MYLK: variants seen among roughly 807,000 people sequenced by gnomAD.
The protein encoded by MYLK is myosin light chain kinase.
A neutral mutation model predicts 203.4 loss-of-function variants in MYLK; 106 were observed. The ratio of observed to expected loss-of-function variants is 0.52; its 90% CI spans 0.45 to 0.61. The LOEUF (loss-of-function observed/expected upper bound fraction) is 0.61. Ranked by LOEUF, MYLK falls within the 20% of genes least tolerant of loss-of-function variation. MYLK has a pLI of 0.00. For synonymous variants in MYLK, 867 were observed against 959.5 expected, an observed-to-expected ratio of 0.90 and a Z score of 1.78; for missense variants, 2,072 against 2,442.3, an observed-to-expected ratio of 0.85 and a Z score of 3.20.
chr3:123,625,969 G>A (rs965006094), intron 31 of MYLK, among the ~76,000 whole-genome samples: 3 of 152,150 alleles, frequency 2.0e-5, no homozygotes, highest in African/African-American at 7.2e-5. Context: ...TATGTGTTTT[G>A]CAGTCAAGCT....
intron 2 of MYLK, among the ~76,000 whole-genome samples, chr3:123,863,483 C>T (rs890697503): frequency 6.6e-6 from 1 of 151,250 alleles, no homozygotes; most frequent in Non-Finnish European, 1.5e-5. Context: ...AACTGGTATT[C>T]AGAATAAAAA....
intron 20 of MYLK, among the ~76,000 whole-genome samples, chr3:123,680,544 C>T (rs960579663): frequency 1.3e-5 from 2 of 152,180 alleles, no homozygotes; most frequent in African/African-American, 4.8e-5. Flanking sequence ...TATGCATTTC[C>T]AACAACTTAT....
intron 2 of MYLK, among the ~76,000 whole-genome samples, chr3:123,861,147 CA>C (rs1245171066): frequency 2.2e-3 from 304 of 140,050 alleles, no homozygotes; most frequent in African/African-American, 5.8e-3. Flanking sequence ...AAACAAAAAA[CA>C]AAAAAAAAAA....
chr3:123,841,531 A>T (rs1018668635), intron 2 of MYLK, among the ~76,000 whole-genome samples: 1 of 152,116 alleles, frequency 6.6e-6, no homozygotes, highest in Non-Finnish European at 1.5e-5. Context: ...CCTCATTAAT[A>T]CCTTCAACCA....
At chr3:123,693,124 C>A (rs1200481554) in intron 18 of MYLK, among the ~76,000 whole-genome samples, 2 of 152,128 alleles carry the variant, frequency 1.3e-5, no homozygotes, top group African/African-American at 2.4e-5. Context: ...TAGAAAGCTG[C>A]AAAAGAAGGG....
At chr3:123,654,452 G>C (rs1219363931) in intron 24 of MYLK, among the ~76,000 whole-genome samples, 1 of 152,074 alleles carries the variant, frequency 6.6e-6, no homozygotes, top group African/African-American at 2.4e-5. Flanking sequence ...CTCGCTTTCT[G>C]AGCTTTGCTC....
At chr3:123,801,772 G>A (rs1019751888) in intron 3 of MYLK, among the ~76,000 whole-genome samples, 53 of 152,186 alleles carry the variant, frequency 3.5e-4, no homozygotes, top group Non-Finnish European at 2.9e-5. Context: ...TCTTTTTTAT[G>A]GCTGCATAAT....
At position 123,856,381 on chromosome 3, in the gene MYLK, A is replaced by G. The variant is rs190612683; in HGVS notation, c.-127+20178T>C. On this transcript the variant is annotated intron_variant, in intron 2 of 33. Coordinates refer to ENST00000360304, the MANE Select transcript of MYLK (RefSeq NM_053025.4). ...GGTTGAATGAGGCACATAAATCTCA[A>G]TGCTAACCACCTAACAACAGGGGTT... is the stretch of plus-strand genomic sequence containing the variant. Among the ~76,000 whole-genome samples, 519 of 152,294 alleles carry G rather than the reference A, an allele frequency of 3.4e-3. 4 individuals are homozygous for G. The highest frequency in any genetic ancestry group is 0.012 in the African/African-American group (505 of 41,570).
At chr3:123,751,432 A>G (rs184119801) in intron 5 of MYLK, among the ~76,000 whole-genome samples, 2 of 152,346 alleles carry the variant, frequency 1.3e-5, no homozygotes, top group Admixed American at 1.3e-4. Flanking sequence ...TGCAAAAGTC[A>G]TGTGGTTTTT....
chr3:123,629,542 G>C lies in MYLK; in HGVS notation c.5046C>G (p.Asp1682Glu). The change falls in exon 30 of 34, where the codon GAC becomes GAG. Residue 1682 changes from aspartate to glutamate, a missense_variant. Around this residue, in one of 3 missense-constraint regions of MYLK, gnomAD observed 524 missense variants for 782.4 expected, o/e 0.67. Transcript: ENST00000360304. The surrounding 1 kb of genome is among the most constrained non-coding windows in gnomAD (Gnocchi z 4.4). ...NVTSATWDFD[D>E]EAFDEISDDA... ...CGTCGGAGATCTCATCGAATGCCTCGTCGTCGAAGTCCCAGGTGGCTGAGG... is the reference window on the plus strand; with the variant it reads ...CGTCGGAGATCTCATCGAATGCCTCCTCGTCGAAGTCCCAGGTGGCTGAGG... The C allele has an allele frequency of 6.2e-7, 1 of 1,614,136 alleles. No homozygotes were observed. The highest frequency in any genetic ancestry group is 8.5e-7 in the Non-Finnish European group (1 of 1,180,016).
intron 2 of MYLK, among the ~76,000 whole-genome samples, chr3:123,867,278 G>C (rs1212913277): frequency 6.6e-6 from 1 of 152,042 alleles, no homozygotes; most frequent in African/African-American, 2.4e-5. Context: ...GTTGAAGTGT[G>C]TCCCCCCAAA....
chr3:123,822,219 C>T (rs4678064), intron 3 of MYLK, among the ~76,000 whole-genome samples: 24,254 of 152,098 alleles, frequency 0.16, 2,092 homozygotes, highest in South Asian at 0.22. Context: ...TATTCTTTTA[C>T]AGCAGCATAA....
In MYLK at chr3:123,726,145, C is replaced by T. The variant is rs55984141; in HGVS notation, c.1517-67G>A. On this transcript the variant is annotated intron_variant, in intron 11 of 33. Coordinates refer to ENST00000360304, the MANE Select transcript of MYLK (RefSeq NM_053025.4). ...CCACTCTGGTGATGCCTGCAGTCAC[C>T]CCAGCCTCCCAGGCACGCCTCACTG... 3.9e-3 allele frequency: 6,267 copies of T among 1,600,694 alleles called. 164 individuals carry two copies. In the African/African-American group the frequency reaches 0.067, roughly 17 times the overall value.
intron 5 of MYLK, among the ~76,000 whole-genome samples, chr3:123,750,308 A>AG: frequency 6.6e-6 from 1 of 152,252 alleles, no homozygotes; most frequent in South Asian, 2.1e-4. Context: ...TGAAAACCAA[A>AG]GGGGAGGGGT....
intron 21 of MYLK, 193 bp downstream of exon 21, chr3:123,666,944 G>A: frequency 4.8e-6 from 3 of 630,672 alleles, no homozygotes; most frequent in Non-Finnish European, 8.5e-6. Flanking sequence ...AGGGGACCAG[G>A]AGCCAGGCTG....
At chr3:123,832,364 AC>A (rs1404686634) in intron 2 of MYLK, among the ~76,000 whole-genome samples, 1 of 152,206 alleles carries the variant, frequency 6.6e-6, no homozygotes, top group African/African-American at 2.4e-5. Flanking sequence ...ATAAATACCT[AC>A]AGTAAGTAGC....
intron 4 of MYLK, among the ~76,000 whole-genome samples, chr3:123,769,946 TGCTCACGAGTACTAAA>T (rs1280313542): frequency 2.6e-5 from 4 of 152,210 alleles, no homozygotes; most frequent in African/African-American, 9.6e-5. Flanking sequence ...ACTGCAAGGC[TGCTCACGAGTACTAAA>T]GCTGGCATTA....
intron 16 of MYLK, among the ~76,000 whole-genome samples, chr3:123,704,193 T>C (rs2061360746): frequency 6.6e-6 from 1 of 152,252 alleles, no homozygotes; most frequent in Non-Finnish European, 1.5e-5. Context: ...GTGGATCACC[T>C]GGTGGCAGGG....
chr3:123,828,308 A>G (rs1478638086), intron 3 of MYLK, among the ~76,000 whole-genome samples: 2 of 152,168 alleles, frequency 1.3e-5, no homozygotes, highest in Admixed American at 1.3e-4. Flanking sequence ...CCACATAGGT[A>G]CAGCCAATTG....
Sources: gnomAD v4.1 joint callset for allele counts (sites outside exome capture counted in the v4.1 genomes callset) on GRCh38, gnomAD v4.1.1 for gene constraint, gnomAD v4.1.1 regional missense constraint, Gnocchi (gnomAD v3.1) non-coding constraint, MANE v1.5 for transcripts, NCBI Gene and HGNC (gene_info 2026-07-23, HGNC 2026-07-21) for gene names.